GREB1L: variants seen among roughly 807,000 people sequenced by gnomAD.
GREB1L encodes GREB1 like retinoic acid receptor coactivator.
A neutral mutation model predicts 200.8 loss-of-function variants in GREB1L; 17 were observed. The observed-to-expected ratio is 0.08, with a 90% confidence interval of 0.06 to 0.13. GREB1L has a LOEUF of 0.13. Among genes scored for constraint, GREB1L ranks in the 10% least tolerant of loss-of-function variants. GREB1L has a pLI of 1.00. For missense variants in GREB1L, 1,657 were observed against 2,367.7 expected, an observed-to-expected ratio of 0.70 and a Z score of 6.23; for synonymous variants, 789 against 893.0, an observed-to-expected ratio of 0.88 and a Z score of 2.08.
At chr18:21,495,930 C>A (rs2036527216) in intron 20 of GREB1L, 145 bp downstream of exon 20, 1 of 536,084 alleles carries the variant, frequency 1.9e-6, no homozygotes, top group Non-Finnish European at 3.2e-6. Flanking sequence ...GAAATACAGC[C>A]ATACAACCTT....
At chr18:21,516,883 T>G in intron 30 of GREB1L, 129 bp downstream of exon 30, 3 of 901,580 alleles carry the variant, frequency 3.3e-6, no homozygotes, top group Non-Finnish European at 4.9e-6. Context: ...GGGAGTTTTT[T>G]TTTTTTTTTT....
At chr18:21,334,162 A>G (rs1335716263) in intron 1 of GREB1L, among the ~76,000 whole-genome samples, 2 of 152,168 alleles carry the variant, frequency 1.3e-5, no homozygotes, top group African/African-American at 4.8e-5. Flanking sequence ...AATATTAGCT[A>G]ATGTTAGTAA....
intron 1 of GREB1L, among the ~76,000 whole-genome samples, chr18:21,296,677 CAG>C (rs1320756967): frequency 6.7e-6 from 1 of 149,352 alleles, no homozygotes; most frequent in South Asian, 2.1e-4. Context: ...TTTTTTGAGA[CAG>C]AGTCTCACTT....
chr18:21,349,539 C>T (rs544792056), intron 1 of GREB1L, among the ~76,000 whole-genome samples: 4 of 152,252 alleles, frequency 2.6e-5, no homozygotes, highest in Admixed American at 6.5e-5. Flanking sequence ...GGAACTGGGC[C>T]GGCACAACAG....
At position 21,507,566 on chromosome 18, in the gene GREB1L, T is replaced by C. The variant is rs372713716; in HGVS notation, c.4369-552T>C. 7.2e-5 allele frequency among the ~76,000 whole-genome samples: 11 copies of C among 152,340 alleles called. No individual in the cohort carries two copies. In the East Asian group the frequency reaches 2.1e-3, roughly 29 times the overall value. On this transcript the variant is annotated intron_variant, in intron 25 of 32. Coordinates refer to ENST00000424526, the MANE Select transcript of GREB1L (RefSeq NM_001142966.3). ...CAGCACTTTAAATGTAGGTTAGATT[T>C]ATATTTGGCTTCAGTGAGTCAAATG...
chr18:21,457,675 A>C (rs2034831618), intron 15 of GREB1L, among the ~76,000 whole-genome samples: 2 of 152,180 alleles, frequency 1.3e-5, no homozygotes, highest in South Asian at 2.1e-4. Context: ...CATCATAATT[A>C]CAAAAAAAGT....
chr18:21,252,179 T>C (rs966920697), intron 1 of GREB1L, among the ~76,000 whole-genome samples: 3 of 152,226 alleles, frequency 2.0e-5, no homozygotes, highest in Non-Finnish European at 4.4e-5. Flanking sequence ...CTACTTGATA[T>C]TACTATAGAA....
At chr18:21,410,720 G>GT (rs1349898272) in intron 7 of GREB1L, among the ~76,000 whole-genome samples, 2 of 141,510 alleles carry the variant, frequency 1.4e-5, no homozygotes, top group African/African-American at 5.8e-5. Flanking sequence ...TAACTATTAG[G>GT]AGTCACCATA....
At chr18:21,456,396 A>T (rs2034766133) in intron 15 of GREB1L, among the ~76,000 whole-genome samples, 1 of 152,200 alleles carries the variant, frequency 6.6e-6, no homozygotes, top group Non-Finnish European at 1.5e-5. Flanking sequence ...CCCTGATGTG[A>T]TTATTACACA....
intron 4 of GREB1L, among the ~76,000 whole-genome samples, chr18:21,386,446 A>G (rs1418812691): frequency 6.6e-6 from 1 of 152,088 alleles, no homozygotes; most frequent in Non-Finnish European, 1.5e-5. Flanking sequence ...GCCCGCCACC[A>G]CGCCTGGCTA....
chr18:21,394,891 C>T (rs189495372), intron 4 of GREB1L, among the ~76,000 whole-genome samples: 3 of 143,014 alleles, frequency 2.1e-5, no homozygotes, highest in Admixed American at 7.4e-5. Context: ...GTCAGGAGTT[C>T]GAAACCAGCC....
intron 21 of GREB1L, among the ~76,000 whole-genome samples, chr18:21,499,221 G>A (rs1388341194): frequency 6.6e-6 from 1 of 152,224 alleles, no homozygotes. Context: ...TGAATGTGGA[G>A]CCTGTTTTGG....
intron 12 of GREB1L, 97 bp from the exon 13 acceptor site, chr18:21,450,926 A>T: frequency 8.1e-7 from 1 of 1,241,656 alleles, no homozygotes; most frequent in Non-Finnish European, 1.1e-6. Flanking sequence ...CCCTATAGTG[A>T]CATCCTTTGA....
At chr18:21,273,552 A>C (rs1458217644) in intron 1 of GREB1L, among the ~76,000 whole-genome samples, 1 of 152,222 alleles carries the variant, frequency 6.6e-6, no homozygotes, top group Non-Finnish European at 1.5e-5. Flanking sequence ...ACTAATACAC[A>C]CACTAATCTG....
intron 7 of GREB1L, among the ~76,000 whole-genome samples, chr18:21,433,847 A>C (rs2033336798): frequency 6.6e-6 from 1 of 152,160 alleles, no homozygotes; most frequent in South Asian, 2.1e-4. Flanking sequence ...TTCCTGTGTT[A>C]ATCGATCTAG....
At chr18:21,484,215 G>A (rs1299894525) in intron 17 of GREB1L, among the ~76,000 whole-genome samples, 4 of 144,502 alleles carry the variant, frequency 2.8e-5, no homozygotes, top group Admixed American at 2.1e-4. Flanking sequence ...TCACTCTGTC[G>A]CCCAGGCTGG....
rs772863773 is a variant in GREB1L, at chr18:21,523,433, T to C, written c.*612T>C. On this transcript the variant is annotated 3_prime_UTR_variant, in exon 33 of 33. Coordinates refer to ENST00000424526, the MANE Select transcript of GREB1L (RefSeq NM_001142966.3). ...CTTTTGGCAAAATTTCCACAGGAGT[T>C]AGAAGTTTACTATTTAAACTGAACA... 6.6e-6 allele frequency: 1 copy of C among 152,250 alleles called. No homozygotes were observed. Among genetic ancestry groups the C allele is most frequent in the Non-Finnish European group, 1.5e-5 (1 of 68,048 alleles). 9.4% of individuals were successfully genotyped at this position (152,250 alleles called of 1,614,324 possible). A position where few individuals can be genotyped will look rare whatever the true frequency, so the allele number is the denominator to read the frequency against.
intron 11 of GREB1L, among the ~76,000 whole-genome samples, chr18:21,446,087 C>T (rs963020317): frequency 3.9e-5 from 6 of 152,118 alleles, no homozygotes; most frequent in Non-Finnish European, 2.9e-5. Flanking sequence ...TGCAGTGGTG[C>T]GATCTCGACT....
In GREB1L at chr18:21,274,378, A is replaced by G. The variant is rs565630775; in HGVS notation, c.-120+31985A>G. Among the ~76,000 whole-genome samples, 7 of 151,688 alleles carry G rather than the reference A, an allele frequency of 4.6e-5. No homozygotes were observed. In the East Asian group the frequency reaches 1.2e-3, roughly 25 times the overall value. On this transcript the variant is annotated intron_variant, in intron 1 of 32. Transcript: ENST00000424526. ...ATTCAGATCATAGCAAATACCAAGT[A>G]TATATATATATACACACACACAAAC... is the stretch of plus-strand genomic sequence containing the variant.
Sources: allele counts gnomAD v4.1 joint callset (sites outside exome capture counted in the v4.1 genomes callset), GRCh38; gene constraint gnomAD v4.1.1; transcripts MANE v1.5; gene names NCBI Gene and HGNC (gene_info 2026-07-23, HGNC 2026-07-21).